The following MAK16 variants were observed in gnomAD, a reference collection of about 807,000 sequenced individuals.
MAK16 encodes the protein MAK16 homolog.
In MAK16, 12 loss-of-function variants were observed where a neutral mutation model predicts 49.9. The ratio of observed to expected loss-of-function variants is 0.24; its 90% CI spans 0.15 to 0.39. The LOEUF is 0.39. Among genes scored for constraint, MAK16 ranks in the 10% least tolerant of loss-of-function variants. The pLI is 1.00. For missense variants in MAK16, 292 were observed against 363.7 expected, an observed-to-expected ratio of 0.80 and a Z score of 1.60; for synonymous variants, 115 against 126.4, an observed-to-expected ratio of 0.91 and a Z score of 0.60.
chr8:33,497,915 G>C (rs1808903023), intron 9 of MAK16, among the ~76,000 whole-genome samples: 1 of 151,554 alleles, frequency 6.6e-6, no homozygotes, highest in South Asian at 2.1e-4. Context: ...GGCCAACATA[G>C]CAAAACCCCG....
intron 6 of MAK16, among the ~76,000 whole-genome samples, chr8:33,494,533 C>T (rs996391433): frequency 2.0e-5 from 3 of 152,182 alleles, no homozygotes; most frequent in African/African-American, 7.2e-5. Flanking sequence ...GTGAGACCAC[C>T]ACTTGCAAGC....
intron 6 of MAK16, among the ~76,000 whole-genome samples, chr8:33,492,267 C>T (rs146771673): frequency 0.015 from 2,321 of 152,306 alleles, 52 homozygotes; most frequent in African/African-American, 0.046. Context: ...CTGCCTCAGC[C>T]TCCCAGAGTG....
chr8:33,495,460 C>T (rs751659788), intron 6 of MAK16, 82 bp from the exon 7 acceptor site: 5 of 1,176,958 alleles, frequency 4.2e-6, no homozygotes, highest in Non-Finnish European at 6.2e-6. Context: ...TTCTTATAAA[C>T]AACTTGGTAG....
In MAK16 at chr8:33,499,401, G is replaced by T. The variant is rs1808979962; in HGVS notation, c.*772G>T. 5.5e-6 allele frequency: 4 copies of T among 727,506 alleles called. No individual in the cohort carries two copies. Among genetic ancestry groups the T allele is most frequent in the South Asian group, 1.6e-5 (1 of 63,222 alleles). 45.1% of individuals were successfully genotyped at this position (727,506 alleles called of 1,614,324 possible). On this transcript the variant is annotated 3_prime_UTR_variant, in exon 10 of 10. Coordinates refer to ENST00000360128, the MANE Select transcript of MAK16 (RefSeq NM_032509.4). The stretch of plus-strand genomic sequence containing the variant: ...AAAGAATGGATGACACTTAGGGACA[G>T]GTCACTAAGCAGAATAGGTATTAGT...
chr8:33,497,338 CAAAAAAA>C, intron 9 of MAK16, 41 bp downstream of exon 9: 3 of 531,958 alleles, frequency 5.6e-6, no homozygotes, highest in Admixed American at 4.2e-5. Context: ...TGGCCTGCAG[CAAAAAAA>C]AAAAAAAAAC....
rs1808964301 is a variant in MAK16, at chr8:33,499,148, T to A, written c.*519T>A. 3.2e-6 allele frequency: 5 copies of A among 1,575,298 alleles called. No individual in the cohort carries two copies. In the East Asian group the frequency reaches 1.1e-4, roughly 35 times the overall value. On this transcript the variant is annotated 3_prime_UTR_variant, in exon 10 of 10. Coordinates refer to ENST00000360128, the MANE Select transcript of MAK16 (RefSeq NM_032509.4). ...AAATTGGGATGGGAAGAAAATCCTT[T>A]CCTCTTGGGAAAGTAATACAAGTCT... is the stretch of plus-strand genomic sequence containing the variant.
In MAK16 at chr8:33,488,381, A is replaced by T; in HGVS notation, c.19A>T (p.Ile7Phe). 6.2e-7 allele frequency: 1 copy of T among 1,614,196 alleles called. No individual in the cohort carries two copies. The highest frequency in any genetic ancestry group is 1.1e-5 in the South Asian group (1 of 91,084). ...GGGCTTTTACTTTGTCTTGCAGGTTATCTGGGATACACTAGGAAACAAGCA... is the reference window on the plus strand; with the variant it reads ...GGGCTTTTACTTTGTCTTGCAGGTTTTCTGGGATACACTAGGAAACAAGCA... Reference protein sequence around the residue: MQSDDVIWDTLGNKQFC... With the variant: MQSDDVFWDTLGNKQFC... The change falls in exon 2 of 10, where the codon ATC becomes TTC. Residue 7 changes from isoleucine to phenylalanine, a missense_variant. By Grantham distance (21) the Ile-to-Phe change is conservative. Coordinates refer to ENST00000360128, the MANE Select transcript of MAK16 (RefSeq NM_032509.4).
chr8:33,485,307 C>T, intron 1 of MAK16, 86 bp downstream of exon 1: 1 of 1,562,914 alleles, frequency 6.4e-7, no homozygotes, highest in Non-Finnish European at 8.8e-7. Context: ...GCGTACGCAG[C>T]GGGTCTGTTG....
At position 33,493,587 on chromosome 8, in the gene MAK16, T is replaced by G. The variant is rs577066864; in HGVS notation, c.448-1955T>G. 2.0e-5 allele frequency among the ~76,000 whole-genome samples: 3 copies of G among 152,320 alleles called. No individual in the cohort carries two copies. In the South Asian group the frequency reaches 6.2e-4, roughly 32 times the overall value. ...AACTGAGGGATTGTAGAGAAGTGCA[T>G]TGTTGATAGGTGGTCTCAAGTACTT... is the stretch of plus-strand genomic sequence containing the variant. On this transcript the variant is annotated intron_variant, in intron 6 of 9. Transcript: ENST00000360128.
Position 33,500,083 on chromosome 8 carries a change from C to T in MAK16, c.*1454C>T, listed in dbSNP as rs764580270. On this transcript the variant is annotated 3_prime_UTR_variant, in exon 10 of 10. Coordinates refer to ENST00000360128, the MANE Select transcript of MAK16 (RefSeq NM_032509.4). Reference sequence around the variant, plus strand: ...AATGCTTTTGCCCATACTGTCTCGTCCTTAGCCCCAGTGACATGTGCTGAT... The same window carrying T: ...AATGCTTTTGCCCATACTGTCTCGTTCTTAGCCCCAGTGACATGTGCTGAT... 14 of 448,730 alleles carry T rather than the reference C, an allele frequency of 3.1e-5. No individual in the cohort carries two copies. The highest frequency in any genetic ancestry group is 5.6e-5 in the Non-Finnish European group (14 of 248,148). 27.8% of individuals were successfully genotyped at this position (448,730 alleles called of 1,614,324 possible). A position where few individuals can be genotyped will look rare whatever the true frequency, so the allele number is the denominator to read the frequency against.
rs1585311931 is a variant in MAK16, at chr8:33,485,184, T to G, written c.-23T>G. ...TCTGCGCCCGCGATCCGACCGGAAG[T>G]TGCACGCTGAGCCGCGGACACCATG... On this transcript the variant is annotated 5_prime_UTR_variant, in exon 1 of 10. Coordinates refer to ENST00000360128, the MANE Select transcript of MAK16 (RefSeq NM_032509.4). 1 of 1,614,096 alleles carries G rather than the reference T, an allele frequency of 6.2e-7. No homozygotes were observed. Among genetic ancestry groups the G allele is most frequent in the Non-Finnish European group, 8.5e-7 (1 of 1,180,016 alleles).
intron 6 of MAK16, among the ~76,000 whole-genome samples, chr8:33,494,746 A>T (rs1378479048): frequency 6.6e-6 from 1 of 151,932 alleles, no homozygotes; most frequent in Non-Finnish European, 1.5e-5. Context: ...AAGTGTAAAC[A>T]CCCCACTCTA....
chr8:33,497,338 CAAAAAA>C, intron 9 of MAK16, 41 bp downstream of exon 9: 22 of 531,856 alleles, frequency 4.1e-5, no homozygotes, highest in South Asian at 1.4e-4. Context: ...TGGCCTGCAG[CAAAAAA>C]AAAAAAAAAA....
intron 6 of MAK16, among the ~76,000 whole-genome samples, chr8:33,493,814 C>T (rs1196922529): frequency 2.0e-5 from 3 of 152,068 alleles, no homozygotes; most frequent in Non-Finnish European, 4.4e-5. Flanking sequence ...TATTCTGTTT[C>T]CACATTTTTA....
chr8:33,494,050 A>T (rs974853336), intron 6 of MAK16, among the ~76,000 whole-genome samples: 3 of 152,120 alleles, frequency 2.0e-5, no homozygotes, highest in African/African-American at 7.2e-5. Flanking sequence ...GCAAATTTGG[A>T]ATATTTTTCT....
rs919255495 is a variant in MAK16, at chr8:33,500,070, C to T, written c.*1441C>T. On this transcript the variant is annotated 3_prime_UTR_variant, in exon 10 of 10. Transcript: ENST00000360128. ...AACTTTTGATCATAATGCTTTTGCC[C>T]ATACTGTCTCGTCCTTAGCCCCAGT... 1.7e-5 allele frequency: 6 copies of T among 352,424 alleles called. No homozygotes were observed. The highest frequency in any genetic ancestry group is 2.6e-5 in the Non-Finnish European group (5 of 192,494). The allele number at this position is 352,424 out of a possible 1,614,324, so 21.8% of individuals were successfully genotyped here.
chr8:33,498,399 C>T lies in MAK16; in HGVS notation c.706-33C>T, dbSNP rs186109115. On this transcript the variant is annotated intron_variant, in intron 9 of 9. Coordinates refer to ENST00000360128, the MANE Select transcript of MAK16 (RefSeq NM_032509.4). ...GAGTTTGGAGAAATCTAGTGTTTTC[C>T]CTCTTCCTTTATCTTTTCTCTCCCC... 57 of 1,599,198 alleles carry T rather than the reference C, an allele frequency of 3.6e-5. No individual in the cohort carries two copies. In the East Asian group the frequency reaches 1.2e-3, roughly 34 times the overall value.
At chr8:33,497,361 C>T in intron 9 of MAK16, 64 bp downstream of exon 9, 2 of 958,674 alleles carry the variant, frequency 2.1e-6, no homozygotes, top group Non-Finnish European at 3.1e-6. Flanking sequence ...AAAACAAAAA[C>T]AGGGAGGTGG....
At position 33,499,133 on chromosome 8, in the gene MAK16, G is replaced by A; in HGVS notation, c.*504G>A. On this transcript the variant is annotated 3_prime_UTR_variant, in exon 10 of 10. Coordinates refer to ENST00000360128, the MANE Select transcript of MAK16 (RefSeq NM_032509.4). ...TAACTCCATTCATACAAATTGGGAT[G>A]GGAAGAAAATCCTTTCCTCTTGGGA... 1.3e-6 allele frequency: 2 copies of A among 1,492,570 alleles called. No homozygotes were observed. The highest frequency in any genetic ancestry group is 1.9e-6 in the Non-Finnish European group (2 of 1,069,636). 92.5% of individuals were successfully genotyped at this position (1,492,570 alleles called of 1,614,324 possible). A position where few individuals can be genotyped will look rare whatever the true frequency, so the allele number is the denominator to read the frequency against.
Sources: allele counts gnomAD v4.1 joint callset (sites outside exome capture counted in the v4.1 genomes callset), GRCh38; gene constraint gnomAD v4.1.1; transcripts MANE v1.5; gene names NCBI Gene and HGNC (gene_info 2026-07-23, HGNC 2026-07-21).